Variants in PBX1 observed in about 807,000 individuals in gnomAD.
PBX1 encodes the protein pre-B-cell leukemia transcription factor 1.
A neutral mutation model predicts 53.4 loss-of-function variants in PBX1; 6 were observed. That is an observed-to-expected ratio of 0.11 (90% CI 0.06 to 0.22). The LOEUF is 0.22. PBX1 is among the 10% of genes least tolerant of loss of function. The pLI is 1.00. For missense variants in PBX1, 251 were observed against 551.4 expected (o/e 0.46, Z 5.46); for synonymous variants, 204 against 212.3 (o/e 0.96, Z 0.34).
At chr1:164,719,572 C>T (rs74373020) in intron 2 of PBX1, among the ~76,000 whole-genome samples, 7,608 of 152,112 alleles carry the variant, frequency 0.05, 228 homozygotes, top group South Asian at 0.13. Context: ...TTTCTGGATA[C>T]GGGGAGGCGC....
chr1:164,836,588 A>C (rs1671051276), intron 8 of PBX1, among the ~76,000 whole-genome samples: 1 of 152,092 alleles, frequency 6.6e-6, no homozygotes, highest in Admixed American at 6.6e-5. Context: ...CCATCAGTAA[A>C]TTTGGCACAA....
chr1:164,879,420 G>A (rs1672593368), intron 2 of PBX1, among the ~76,000 whole-genome samples: 1 of 152,176 alleles, frequency 6.6e-6, no homozygotes, highest in Admixed American at 6.5e-5. Flanking sequence ...TTGGGGTTCT[G>A]GCCTTGGTAA....
intron 2 of PBX1, among the ~76,000 whole-genome samples, chr1:164,782,653 T>C (rs1667990640): frequency 6.6e-6 from 1 of 152,236 alleles, no homozygotes; most frequent in Non-Finnish European, 1.5e-5. Flanking sequence ...GATGAAATTG[T>C]TTGGAAAGTT....
At chr1:164,812,379 G>T (rs1028384806) in intron 6 of PBX1, among the ~76,000 whole-genome samples, 1 of 152,130 alleles carries the variant, frequency 6.6e-6, no homozygotes, top group South Asian at 2.1e-4. Flanking sequence ...GCATTAATTT[G>T]TCTATTAAGT....
In PBX1 at chr1:164,793,897, T is replaced by C. The variant is rs1281429811; in HGVS notation, c.510+1159T>C. On this transcript the variant is annotated intron_variant, in intron 3 of 8. Coordinates refer to ENST00000420696, the MANE Select transcript of PBX1 (RefSeq NM_002585.4). ...CTTTTTTTTTTTTTTTTTTTTGAGA[T>C]GGGGTCTCACTCTGTCACCCAGGCT... 2.2e-5 allele frequency among the ~76,000 whole-genome samples: 3 copies of C among 136,892 alleles called. No homozygotes were observed. In the Admixed American group the frequency reaches 2.3e-4, roughly 10 times the overall value. The allele number at this position is 136,892 out of a possible 152,430, so 89.8% of individuals were successfully genotyped here.
At chr1:164,864,326 T>C (rs1672167561) in intron 2 of PBX1, among the ~76,000 whole-genome samples, 1 of 152,160 alleles carries the variant, frequency 6.6e-6, no homozygotes, top group South Asian at 2.1e-4. Context: ...GGAGAGTTGT[T>C]TCTCCTTGTG....
At chr1:164,709,515 C>T (rs577172270) in intron 2 of PBX1, among the ~76,000 whole-genome samples, 1 of 152,220 alleles carries the variant, frequency 6.6e-6, no homozygotes. Context: ...ATTCTGATGG[C>T]AACTCGGGAA....
intron 2 of PBX1, among the ~76,000 whole-genome samples, chr1:164,872,539 G>A (rs902938083): frequency 3.3e-5 from 5 of 152,200 alleles, no homozygotes; most frequent in African/African-American, 4.8e-5. Context: ...GAACAAAAAC[G>A]TGGGTTATCA....
intron 2 of PBX1, chr1:164,770,638 A>G (rs538252397): frequency 1.3e-5 from 2 of 152,310 alleles, no homozygotes; most frequent in Non-Finnish European, 2.9e-5. Context: ...TTTGAAGTGC[A>G]TCACCGTCTC....
At chr1:164,700,620 A>G (rs945090585) in intron 2 of PBX1, 6 of 985,252 alleles carry the variant, frequency 6.1e-6, no homozygotes, top group African/African-American at 1.7e-5. Flanking sequence ...GTTACAGTGC[A>G]TGGTACAGAG....
At chr1:164,586,468 T>C (rs142901890) in intron 2 of PBX1, among the ~76,000 whole-genome samples, 2 of 152,282 alleles carry the variant, frequency 1.3e-5, no homozygotes, top group African/African-American at 4.8e-5. Context: ...TACTGGACTG[T>C]TCTATGTTGA....
rs1671684598 is a variant in PBX1, at chr1:164,848,646, A to T, written c.*1970A>T. 1 of 1,056,120 alleles carries T rather than the reference A, an allele frequency of 9.5e-7. No homozygotes were observed. The highest frequency in any genetic ancestry group is 5.3e-5 in the East Asian group (1 of 18,914). 65.4% of individuals were successfully genotyped at this position (1,056,120 alleles called of 1,614,324 possible). On this transcript the variant is annotated 3_prime_UTR_variant, in exon 9 of 9. Transcript: ENST00000420696. ...TAAAGAAAAACTTCCAAACTAGAAAAACAGGCCCTGGTTCCCTTAGTTTGC... is the reference window on the plus strand; with the variant it reads ...TAAAGAAAAACTTCCAAACTAGAAATACAGGCCCTGGTTCCCTTAGTTTGC...
chr1:164,854,214 A>G (rs1292933543), downstream of PBX1: 2 of 152,086 alleles, frequency 1.3e-5, no homozygotes, highest in Non-Finnish European at 2.9e-5. Flanking sequence ...CCAAATCCCC[A>G]TTTCAAAAAC....
At chr1:164,798,928 A>G (rs1248626044) in intron 3 of PBX1, among the ~76,000 whole-genome samples, 1 of 152,216 alleles carries the variant, frequency 6.6e-6, no homozygotes, top group Non-Finnish European at 1.5e-5. Flanking sequence ...AAAGCTTTTA[A>G]TTCCATAATT....
chr1:164,723,796 G>A (rs1664534039), intron 2 of PBX1, among the ~76,000 whole-genome samples: 1 of 152,170 alleles, frequency 6.6e-6, no homozygotes, highest in African/African-American at 2.4e-5. Context: ...ATAGTCTGTA[G>A]CGCTGGATAA....
chr1:164,765,395 G>A (rs1371998593), intron 2 of PBX1, among the ~76,000 whole-genome samples: 2 of 152,146 alleles, frequency 1.3e-5, no homozygotes, highest in Non-Finnish European at 2.9e-5. Flanking sequence ...ATTTGTTTTG[G>A]AAACTTGGAA....
intron 4 of PBX1, among the ~76,000 whole-genome samples, chr1:164,805,957 A>G (rs1669325853): frequency 6.6e-6 from 1 of 152,162 alleles, no homozygotes; most frequent in African/African-American, 2.4e-5. Flanking sequence ...TCCAAGTGGG[A>G]CCCTGAAAAT....
At chr1:164,730,849 T>A (rs1452189402) in intron 2 of PBX1, among the ~76,000 whole-genome samples, 1 of 152,240 alleles carries the variant, frequency 6.6e-6, no homozygotes, top group Non-Finnish European at 1.5e-5. Context: ...ATTTTTTGTC[T>A]TTTTAAGATT....
At chr1:164,870,776 T>A (rs1275118161) in intron 2 of PBX1, among the ~76,000 whole-genome samples, 1 of 152,214 alleles carries the variant, frequency 6.6e-6, no homozygotes, top group Non-Finnish European at 1.5e-5. Context: ...CATTTGTTAG[T>A]GTCAAAAGGA....
Sources: gnomAD v4.1 joint callset for allele counts (sites outside exome capture counted in the v4.1 genomes callset) on GRCh38, gnomAD v4.1.1 for gene constraint, MANE v1.5 for transcripts, NCBI Gene and HGNC (gene_info 2026-07-23, HGNC 2026-07-21) for gene names.